CEP112: variants seen among roughly 807,000 people sequenced by gnomAD.
CEP112 encodes the protein centrosomal protein 112, also known as centrosomal protein of 112 kDa.
CEP112 carries 127 observed loss-of-function variants against 153.0 expected under a neutral mutation model. The observed-to-expected ratio is 0.83, with a 90% CI of 0.72 to 0.96. The LOEUF (loss-of-function observed/expected upper bound fraction) is 0.96. Among genes scored for constraint, CEP112 ranks in the 40% least tolerant of loss-of-function variants. CEP112 has a pLI of 0.00. For synonymous variants in CEP112, 358 were observed against 374.4 expected (o/e 0.96, Z 0.51); for missense variants, 1,089 against 1,101.2 (o/e 0.99, Z 0.16).
At chr17:66,081,915 A>AG (rs2067736468) in intron 8 of CEP112, among the ~76,000 whole-genome samples, 1 of 152,118 alleles carries the variant, frequency 6.6e-6, no homozygotes, top group African/African-American at 2.4e-5. Flanking sequence ...ACTCCATCTC[A>AG]GGGGGAAAAA....
At chr17:66,070,889 G>C (rs1019660177) in intron 8 of CEP112, among the ~76,000 whole-genome samples, 1 of 152,028 alleles carries the variant, frequency 6.6e-6, no homozygotes, top group African/African-American at 2.4e-5. Context: ...GTGACCCTTT[G>C]ACACTCTAGT....
Position 65,751,180 on chromosome 17 carries a change from T to A in CEP112, c.2395-456A>T, listed in dbSNP as rs77621406. 4.3e-3 allele frequency: 668 copies of A among 155,266 alleles called. 4 individuals carry two copies. Among genetic ancestry groups the A allele is most frequent in the African/African-American group, 0.016 (659 of 41,584 alleles). 9.6% of individuals were successfully genotyped at this position (155,266 alleles called of 1,614,324 possible). A position where few individuals can be genotyped will look rare whatever the true frequency, so the allele number is the denominator to read the frequency against. ...CAAAGGAGATATGGGATTTTGAGAA[T>A]CACTGAGCAGAGGTGAGCCCCTACT... On this transcript the variant is annotated intron_variant, in intron 21 of 26. Transcript: ENST00000535342.
At chr17:66,155,497 G>GT (rs746425301) in intron 4 of CEP112, among the ~76,000 whole-genome samples, 139 of 146,300 alleles carry the variant, frequency 9.5e-4, no homozygotes, top group Middle Eastern at 3.5e-3. Context: ...GCTGTAGGAG[G>GT]TTTTTTTTTT....
At chr17:65,893,940 T>A (rs573275196) in intron 20 of CEP112, among the ~76,000 whole-genome samples, 2 of 152,220 alleles carry the variant, frequency 1.3e-5, no homozygotes, top group South Asian at 4.1e-4. Flanking sequence ...ATTTTGCCCA[T>A]CATTTCTTGC....
At chr17:66,161,917 T>A (rs1022080739) in intron 4 of CEP112, among the ~76,000 whole-genome samples, 9 of 151,312 alleles carry the variant, frequency 5.9e-5, no homozygotes, top group African/African-American at 1.9e-4. Context: ...ACTTAAAGTA[T>A]AATTTTCTTA....
At chr17:66,166,021 G>GT (rs2071939876) in intron 4 of CEP112, among the ~76,000 whole-genome samples, 1 of 152,036 alleles carries the variant, frequency 6.6e-6, no homozygotes, top group Admixed American at 6.6e-5. Flanking sequence ...TATTCTCCAA[G>GT]TTCTTTCTTA....
At chr17:66,055,776 T>G (rs1043007057) in intron 11 of CEP112, among the ~76,000 whole-genome samples, 3 of 152,208 alleles carry the variant, frequency 2.0e-5, no homozygotes, top group African/African-American at 7.2e-5. Flanking sequence ...TAGTTGAGAC[T>G]ACAAGGGTAA....
At chr17:65,672,821 T>C (rs796847999) in intron 24 of CEP112, among the ~76,000 whole-genome samples, 6 of 152,226 alleles carry the variant, frequency 3.9e-5, no homozygotes, top group African/African-American at 7.2e-5. Flanking sequence ...TATCAAAAAT[T>C]TGATTTTTGA....
At chr17:65,882,245 AC>A (rs1276780354) in intron 20 of CEP112, among the ~76,000 whole-genome samples, 7 of 152,198 alleles carry the variant, frequency 4.6e-5, no homozygotes, top group African/African-American at 1.7e-4. Flanking sequence ...TCAACTGATT[AC>A]GTCTCTAATA....
At chr17:66,053,683 T>G in intron 12 of CEP112, 53 bp downstream of exon 12, 1 of 1,561,016 alleles carries the variant, frequency 6.4e-7, no homozygotes, top group Non-Finnish European at 8.7e-7. Flanking sequence ...CATGAGGACA[T>G]GGAAATTGAG....
chr17:65,672,840 G>C (rs1331707244), intron 24 of CEP112, among the ~76,000 whole-genome samples: 2 of 152,058 alleles, frequency 1.3e-5, no homozygotes, highest in African/African-American at 4.8e-5. Context: ...GAAAATGATG[G>C]CATTTCCAAA....
At chr17:66,122,167 T>C (rs1009671787) in intron 6 of CEP112, among the ~76,000 whole-genome samples, 1 of 152,182 alleles carries the variant, frequency 6.6e-6, no homozygotes, top group African/African-American at 2.4e-5. Flanking sequence ...GTGCTGGGAT[T>C]ATAGGCATGA....
At chr17:65,777,861 T>C (rs2053773661) in intron 21 of CEP112, among the ~76,000 whole-genome samples, 1 of 152,228 alleles carries the variant, frequency 6.6e-6, no homozygotes, top group Admixed American at 6.5e-5. Context: ...GCACTGTACC[T>C]ATGACACACT....
intron 6 of CEP112, among the ~76,000 whole-genome samples, chr17:66,108,405 C>T: frequency 6.6e-6 from 1 of 151,786 alleles, no homozygotes; most frequent in Non-Finnish European, 1.5e-5. Context: ...GGAGCTCAAA[C>T]AACTCTATAG....
intron 20 of CEP112, among the ~76,000 whole-genome samples, chr17:65,901,821 C>G (rs1640062829): frequency 6.6e-6 from 1 of 151,610 alleles, no homozygotes; most frequent in Non-Finnish European, 1.5e-5. Flanking sequence ...TAGGGATTTG[C>G]TAAGGCTGAA....
At chr17:66,021,324 C>T (rs2064991664) in intron 16 of CEP112, among the ~76,000 whole-genome samples, 1 of 152,160 alleles carries the variant, frequency 6.6e-6, no homozygotes, top group South Asian at 2.1e-4. Flanking sequence ...AGAGCCCCCA[C>T]AGCCAGAACT....
chr17:66,177,041 T>C (rs764264786), intron 2 of CEP112, 21 bp from the exon 3 acceptor site: 4 of 1,558,308 alleles, frequency 2.6e-6, no homozygotes, highest in Admixed American at 2.1e-5. Context: ...AGAAGAACTA[T>C]TAGAAATTTT....
chr17:66,117,988 T>G (rs961383058), intron 6 of CEP112, among the ~76,000 whole-genome samples: 1 of 152,150 alleles, frequency 6.6e-6, no homozygotes, highest in African/African-American at 2.4e-5. Flanking sequence ...TAAAATGGCT[T>G]ATATCAAAAT....
In CEP112 at chr17:66,132,711, T is replaced by C. The variant is rs1463944626; in HGVS notation, c.523A>G (p.Thr175Ala). The C allele has an allele frequency of 2.5e-6, 4 of 1,613,854 alleles. No homozygotes were observed. Among genetic ancestry groups the C allele is most frequent in the South Asian group, 1.1e-5 (1 of 91,076 alleles). The change falls in exon 5 of 27, where the codon ACT becomes GCT. Residue 175 changes from threonine (T) to alanine (A), a missense_variant. Coordinates refer to ENST00000535342, the MANE Select transcript of CEP112 (RefSeq NM_001199165.4). The stretch of plus-strand genomic sequence containing the variant: ...ATATTTTGTCCATCTTCTCTGTGAG[T>C]TGGACTCAAGGAGTGTGATCTCACT... The part of the protein sequence containing the change: ...LRVRSHSLSP[T>A]HREDGQNITP...
Sources: allele counts gnomAD v4.1 joint callset (sites outside exome capture counted in the v4.1 genomes callset), GRCh38; gene constraint gnomAD v4.1.1; transcripts MANE v1.5; gene names NCBI Gene and HGNC (gene_info 2026-07-23, HGNC 2026-07-21).